Variants in SCLT1 observed in about 807,000 individuals in gnomAD.
The protein encoded by SCLT1 is sodium channel-associated protein 1.
A neutral mutation model predicts 112.8 loss-of-function variants in SCLT1; 78 were observed. That is an observed-to-expected ratio of 0.69 (90% CI 0.58 to 0.83). The LOEUF (loss-of-function observed/expected upper bound fraction) is 0.83, where lower values mean the gene tolerates loss of function less well. SCLT1 is among the 40% of genes least tolerant of loss of function. The pLI is 0.00. For synonymous variants in SCLT1, 257 were observed against 254.7 expected (o/e 1.01, Z -0.09); for missense variants, 747 against 770.4 (o/e 0.97, Z 0.36).
chr4:128,917,625 G>T (rs995555227), intron 18 of SCLT1, among the ~76,000 whole-genome samples: 1 of 151,968 alleles, frequency 6.6e-6, no homozygotes, highest in Non-Finnish European at 1.5e-5. Context: ...ATCTAGTAAA[G>T]GTATACTAAG....
At chr4:129,078,212 G>T (rs1050214293) in intron 2 of SCLT1, among the ~76,000 whole-genome samples, 3 of 152,188 alleles carry the variant, frequency 2.0e-5, no homozygotes. Flanking sequence ...GTCCCTACTA[G>T]GTCTGCTACT....
intron 18 of SCLT1, among the ~76,000 whole-genome samples, chr4:128,906,054 A>T (rs965857294): frequency 3.0e-4 from 46 of 151,888 alleles, no homozygotes; most frequent in African/African-American, 1.1e-3. Flanking sequence ...GTTTTTTTTT[A>T]GCCTATGCAT....
chr4:128,955,429 TTTAA>T (rs1431307220), intron 13 of SCLT1, among the ~76,000 whole-genome samples: 6 of 152,350 alleles, frequency 3.9e-5, no homozygotes, highest in East Asian at 1.9e-4. Flanking sequence ...TTTTACAAAT[TTTAA>T]TTATTTGAGA....
intron 2 of SCLT1, among the ~76,000 whole-genome samples, chr4:129,075,591 A>G (rs1445469220): frequency 6.6e-6 from 1 of 152,196 alleles, no homozygotes; most frequent in African/African-American, 2.4e-5. Context: ...TTAATATGAA[A>G]ATTAAATAAA....
chr4:128,912,009 C>A (rs1735137004), intron 18 of SCLT1, among the ~76,000 whole-genome samples: 1 of 152,148 alleles, frequency 6.6e-6, no homozygotes, highest in African/African-American at 2.4e-5. Flanking sequence ...CAATAATGCA[C>A]ACAGAGAAGC....
downstream of SCLT1, among the ~76,000 whole-genome samples, chr4:128,879,436 G>T (rs190783087): frequency 2.0e-5 from 3 of 152,228 alleles, no homozygotes; most frequent in South Asian, 6.2e-4. Context: ...AATGGGAGAG[G>T]TGTCAAAATT....
chr4:128,923,634 T>C (rs1736052448), intron 18 of SCLT1, among the ~76,000 whole-genome samples: 3 of 80,056 alleles, frequency 3.7e-5, no homozygotes, highest in African/African-American at 1.1e-4. Context: ...TAGTCTTCTA[T>C]ATCTGTTTTT....
intron 1 of SCLT1, among the ~76,000 whole-genome samples, chr4:129,085,058 G>A (rs2125779893): frequency 1.3e-5 from 2 of 152,260 alleles, no homozygotes; most frequent in Middle Eastern, 3.4e-3. Flanking sequence ...CACAGCAAAG[G>A]AAACTATCCA....
chr4:129,032,238 A>G (rs1250632366), intron 5 of SCLT1, among the ~76,000 whole-genome samples: 2 of 152,204 alleles, frequency 1.3e-5, no homozygotes, highest in Non-Finnish European at 1.5e-5. Context: ...AGCAATGGGG[A>G]AAGGATTCCC....
At chr4:129,075,021 A>G (rs1157207973) in intron 2 of SCLT1, among the ~76,000 whole-genome samples, 2 of 152,172 alleles carry the variant, frequency 1.3e-5, no homozygotes, top group African/African-American at 4.8e-5. Flanking sequence ...TTTGCTCTCC[A>G]GATGACTCCC....
At chr4:129,049,917 G>A (rs753423505) in intron 2 of SCLT1, among the ~76,000 whole-genome samples, 3 of 152,192 alleles carry the variant, frequency 2.0e-5, no homozygotes, top group East Asian at 1.9e-4. Flanking sequence ...AGGCCCTGGT[G>A]TGTGATGTTC....
At chr4:129,035,416 C>G (rs774605591) in intron 5 of SCLT1, among the ~76,000 whole-genome samples, 2 of 152,044 alleles carry the variant, frequency 1.3e-5, no homozygotes, top group Non-Finnish European at 2.9e-5. Context: ...CAAACCAATT[C>G]CTGGCAAAAA....
chr4:128,925,358 T>G (rs1736213045), intron 18 of SCLT1, among the ~76,000 whole-genome samples: 1 of 152,172 alleles, frequency 6.6e-6, no homozygotes, highest in Admixed American at 6.5e-5. Context: ...CTTTTTTTTT[T>G]TGGAGCTGGA....
At chr4:128,881,560 G>C (rs760231388), downstream of SCLT1, among the ~76,000 whole-genome samples, 2 of 152,062 alleles carry the variant, frequency 1.3e-5, no homozygotes, top group Non-Finnish European at 2.9e-5. Flanking sequence ...GGGAAGAAGA[G>C]GTAATCATAT....
intron 18 of SCLT1, among the ~76,000 whole-genome samples, chr4:128,896,386 C>T (rs979337675): frequency 6.6e-6 from 1 of 152,152 alleles, no homozygotes; most frequent in African/African-American, 2.4e-5. Context: ...TGTTCTGCAG[C>T]CTCTGCTGCT....
intron 9 of SCLT1, among the ~76,000 whole-genome samples, chr4:128,986,177 G>A (rs957375765): frequency 2.6e-5 from 4 of 152,130 alleles, no homozygotes; most frequent in South Asian, 2.1e-4. Flanking sequence ...GGGGGAGGGA[G>A]AGTGAAGTAA....
chr4:128,940,511 A>C (rs1487640599), intron 17 of SCLT1, among the ~76,000 whole-genome samples: 2 of 152,020 alleles, frequency 1.3e-5, no homozygotes, highest in African/African-American at 4.8e-5. Flanking sequence ...TAAATTTTTC[A>C]ATCATAGGGT....
At chr4:128,911,838 G>C (rs1735120498) in intron 18 of SCLT1, among the ~76,000 whole-genome samples, 3 of 152,190 alleles carry the variant, frequency 2.0e-5, no homozygotes, top group African/African-American at 4.8e-5. Flanking sequence ...CAAGAAAATA[G>C]CAACTTAAAA....
intron 5 of SCLT1, among the ~76,000 whole-genome samples, chr4:129,019,667 A>G (rs575305676): frequency 2.6e-4 from 37 of 144,034 alleles, no homozygotes; most frequent in Non-Finnish European, 5.4e-4. Context: ...ATATAAATGA[A>G]AAAAAAAAAA....
Sources: allele counts gnomAD v4.1 joint callset (sites outside exome capture counted in the v4.1 genomes callset), GRCh38; gene constraint gnomAD v4.1.1; transcripts MANE v1.5; gene names NCBI Gene and HGNC (gene_info 2026-07-23, HGNC 2026-07-21).